The following CNTN3 variants were observed in gnomAD, a reference collection of about 807,000 sequenced individuals.
CNTN3 encodes contactin 3, also known as contactin-3.
CNTN3 carries 60 observed loss-of-function variants against 119.1 expected under a neutral mutation model. The ratio of observed to expected loss-of-function variants is 0.50; its 90% CI spans 0.41 to 0.62. The LOEUF is 0.62. CNTN3 is among the 20% of genes least tolerant of loss of function. CNTN3 has a pLI of 0.00. For missense variants in CNTN3, 1,101 were observed against 1,242.4 expected (o/e 0.89, Z 1.71); for synonymous variants, 450 against 438.7 (o/e 1.03, Z -0.32).
At chr3:74,514,594 AT>A (rs1312548503) in intron 2 of CNTN3, among the ~76,000 whole-genome samples, 10 of 152,116 alleles carry the variant, frequency 6.6e-5, no homozygotes, top group African/African-American at 1.9e-4. Flanking sequence ...AAATGACTCT[AT>A]CTTCTCCCAT....
At chr3:74,558,269 C>T (rs1438637393) in intron 1 of CNTN3, among the ~76,000 whole-genome samples, 2 of 152,144 alleles carry the variant, frequency 1.3e-5, no homozygotes, top group Non-Finnish European at 2.9e-5. Flanking sequence ...CTTCTTAATC[C>T]TACTTCCTTT....
chr3:74,480,675 G>A (rs1702747545), intron 4 of CNTN3, among the ~76,000 whole-genome samples: 1 of 132,262 alleles, frequency 7.6e-6, no homozygotes, highest in Admixed American at 7.5e-5. Flanking sequence ...GTTTGTACAT[G>A]CTCACACTAT....
At chr3:74,466,296 G>A (rs1702459665) in intron 4 of CNTN3, among the ~76,000 whole-genome samples, 1 of 152,000 alleles carries the variant, frequency 6.6e-6, no homozygotes, top group Non-Finnish European at 1.5e-5. Flanking sequence ...TCTTGCACAC[G>A]GACTCAGGGC....
At chr3:74,512,817 T>C (rs1279907359) in intron 2 of CNTN3, among the ~76,000 whole-genome samples, 1 of 151,944 alleles carries the variant, frequency 6.6e-6, no homozygotes, top group Non-Finnish European at 1.5e-5. Flanking sequence ...CAGTACACTG[T>C]TCAACAGTCA....
At chr3:74,502,651 C>G (rs1025505310) in intron 2 of CNTN3, among the ~76,000 whole-genome samples, 3 of 152,140 alleles carry the variant, frequency 2.0e-5, no homozygotes, top group African/African-American at 7.2e-5. Flanking sequence ...CTCAGACACG[C>G]TGAGCTTCGT....
rs892221028 is a variant in CNTN3, at chr3:74,467,430, G to T, written c.358+19026C>A. 3.9e-5 allele frequency among the ~76,000 whole-genome samples: 6 copies of T among 152,104 alleles called. No homozygotes were observed. In the South Asian group the frequency reaches 1.0e-3, roughly 26 times the overall value. Reference sequence around the variant, plus strand: ...TGAAAATTACAGGGTTTCAGGTATGGTTTTAAAGACATTTTCCAACATTTG... The same window carrying T: ...TGAAAATTACAGGGTTTCAGGTATGTTTTTAAAGACATTTTCCAACATTTG... On this transcript the variant is annotated intron_variant, in intron 4 of 22. Transcript: ENST00000263665.
intron 13 of CNTN3, among the ~76,000 whole-genome samples, chr3:74,313,798 T>C (rs894296229): frequency 2.5e-4 from 38 of 152,178 alleles, no homozygotes; most frequent in African/African-American, 9.2e-4. Flanking sequence ...ACATGTTTCA[T>C]TTCAGACTTC....
chr3:74,470,476 T>G (rs933041020), intron 4 of CNTN3, among the ~76,000 whole-genome samples: 12 of 152,026 alleles, frequency 7.9e-5, no homozygotes, highest in African/African-American at 2.9e-4. Flanking sequence ...AAAGCTGCCT[T>G]CTCTGGGAAA....
intron 1 of CNTN3, among the ~76,000 whole-genome samples, chr3:74,612,542 T>A (rs1286080101): frequency 1.3e-5 from 2 of 152,208 alleles, no homozygotes; most frequent in Non-Finnish European, 2.9e-5. Context: ...CTGAATGTTA[T>A]TGTCTGTGGC....
At chr3:74,452,344 G>A (rs1702175037) in intron 4 of CNTN3, among the ~76,000 whole-genome samples, 1 of 113,520 alleles carries the variant, frequency 8.8e-6, no homozygotes, top group Admixed American at 9.7e-5. Context: ...AAGAATGCTT[G>A]TGATTTTCGC....
At position 74,591,969 on chromosome 3, in the gene CNTN3, C is replaced by T. The variant is rs1010586415; in HGVS notation, c.-81+22422G>A. On this transcript the variant is annotated intron_variant, in intron 1 of 22. Transcript: ENST00000263665. Reference sequence around the variant, plus strand: ...AAAAGAGAGGAAAGAAAATTCAGTCCAGGCTGAGGCTCAGAAAAAATCTAC... The same window carrying T: ...AAAAGAGAGGAAAGAAAATTCAGTCTAGGCTGAGGCTCAGAAAAAATCTAC... 3.3e-5 allele frequency among the ~76,000 whole-genome samples: 5 copies of T among 151,938 alleles called. No homozygotes were observed. In the South Asian group the frequency reaches 1.0e-3, roughly 32 times the overall value.
At chr3:74,284,329 A>G (rs1702068926) in intron 20 of CNTN3, among the ~76,000 whole-genome samples, 1 of 152,194 alleles carries the variant, frequency 6.6e-6, no homozygotes, top group African/African-American at 2.4e-5. Context: ...TTAAGCAAAC[A>G]TTTTTATTAA....
At chr3:74,424,454 T>TTGTG (rs111872098) in intron 5 of CNTN3, among the ~76,000 whole-genome samples, 3 of 129,572 alleles carry the variant, frequency 2.3e-5, no homozygotes, top group South Asian at 2.5e-4. Context: ...ACTAATAAGC[T>TTGTG]TGTGTGTGTG....
chr3:74,498,143 A>G (rs1383549131), intron 3 of CNTN3, among the ~76,000 whole-genome samples: 1 of 151,828 alleles, frequency 6.6e-6, no homozygotes, highest in Non-Finnish European at 1.5e-5. Flanking sequence ...CAGCCCACAC[A>G]TGAGTCATTC....
chr3:74,529,788 T>C (rs573021642), intron 1 of CNTN3, among the ~76,000 whole-genome samples: 3 of 152,120 alleles, frequency 2.0e-5, no homozygotes, highest in South Asian at 4.1e-4. Flanking sequence ...AAAGAGAACT[T>C]TTTGGCTTAA....
chr3:74,395,378 T>TACACAC (rs35050785), intron 5 of CNTN3, among the ~76,000 whole-genome samples: 14 of 150,408 alleles, frequency 9.3e-5, no homozygotes, highest in African/African-American at 2.2e-4. Context: ...CACACACACA[T>TACACAC]ACACACACAC....
At chr3:74,413,957 C>T (rs2106875456) in intron 5 of CNTN3, among the ~76,000 whole-genome samples, 1 of 152,192 alleles carries the variant, frequency 6.6e-6, no homozygotes, top group Non-Finnish European at 1.5e-5. Flanking sequence ...ACAACAAAAA[C>T]AAATCCAAAC....
intron 13 of CNTN3, among the ~76,000 whole-genome samples, chr3:74,315,263 T>C (rs1027587807): frequency 1.3e-5 from 2 of 152,208 alleles, no homozygotes; most frequent in African/African-American, 4.8e-5. Flanking sequence ...AATCCATCCC[T>C]TGTTTAGCAT....
intron 1 of CNTN3, among the ~76,000 whole-genome samples, chr3:74,576,415 G>A (rs1056593543): frequency 1.3e-5 from 2 of 151,858 alleles, no homozygotes; most frequent in Admixed American, 1.3e-4. Flanking sequence ...TGGAACAACA[G>A]AAATTCATTC....
Sources: allele counts gnomAD v4.1 joint callset (sites outside exome capture counted in the v4.1 genomes callset), GRCh38; gene constraint gnomAD v4.1.1; transcripts MANE v1.5; gene names NCBI Gene and HGNC (gene_info 2026-07-23, HGNC 2026-07-21).